The following SUPT3H variants were observed in gnomAD, a reference collection of about 807,000 sequenced individuals.
SUPT3H encodes SPT3 homolog, SAGA and STAGA complex component.
A neutral mutation model predicts 44.3 loss-of-function variants in SUPT3H; 44 were observed. The observed-to-expected ratio is 0.99, with a 90% CI of 0.78 to 1.28. The LOEUF (loss-of-function observed/expected upper bound fraction) is 1.28, where lower values mean the gene tolerates loss of function less well. SUPT3H is among the 50% of genes most tolerant of loss of function. The probability of loss-of-function intolerance (pLI) is 0.00; values close to 1 mark genes in which losing one functional copy is unlikely to be tolerated. For synonymous variants in SUPT3H, 124 were observed against 125.6 expected, an observed-to-expected ratio of 0.99 and a Z score of 0.09; for missense variants, 380 against 387.1, an observed-to-expected ratio of 0.98 and a Z score of 0.15.
chr6:44,896,330 G>T (rs1009402097), intron 10 of SUPT3H, among the ~76,000 whole-genome samples: 1 of 151,816 alleles, frequency 6.6e-6, no homozygotes, highest in Non-Finnish European at 1.5e-5. Flanking sequence ...TAACACTTAG[G>T]GTCCTAAATA....
chr6:45,205,102 T>A (rs1374922935), intron 2 of SUPT3H, among the ~76,000 whole-genome samples: 1 of 152,174 alleles, frequency 6.6e-6, no homozygotes, highest in Non-Finnish European at 1.5e-5. Flanking sequence ...CAAATTCCCA[T>A]CTCTGACTTT....
intron 2 of SUPT3H, among the ~76,000 whole-genome samples, chr6:45,275,052 A>G (rs1378241138): frequency 6.6e-6 from 1 of 152,128 alleles, no homozygotes; most frequent in South Asian, 2.1e-4. Flanking sequence ...AACTTGGTAT[A>G]TATGTTTTAT....
At chr6:45,342,095 G>A (rs867644200) in intron 2 of SUPT3H, among the ~76,000 whole-genome samples, 13 of 152,192 alleles carry the variant, frequency 8.5e-5, no homozygotes, top group Middle Eastern at 3.4e-3. Context: ...TTATGGAAGA[G>A]GCAAAGAATA....
chr6:45,043,963 G>T (rs1244144769), intron 3 of SUPT3H, among the ~76,000 whole-genome samples: 1 of 152,064 alleles, frequency 6.6e-6, no homozygotes, highest in Non-Finnish European at 1.5e-5. Flanking sequence ...CATATTAACA[G>T]AATTTATTAA....
intron 3 of SUPT3H, among the ~76,000 whole-genome samples, chr6:45,067,538 G>T (rs1234717529): frequency 6.6e-6 from 1 of 151,244 alleles, no homozygotes; most frequent in East Asian, 1.9e-4. Flanking sequence ...CCAACAAAAT[G>T]GGAGAAAATT....
At chr6:45,003,874 A>G (rs1474986182) in intron 5 of SUPT3H, 82 bp from the exon 6 acceptor site, 2 of 1,421,580 alleles carry the variant, frequency 1.4e-6, no homozygotes, top group African/African-American at 2.9e-5. Flanking sequence ...TATTAAATAT[A>G]GTATACCAAA....
chr6:45,160,279 G>A (rs1019767738), intron 2 of SUPT3H, among the ~76,000 whole-genome samples: 1 of 152,092 alleles, frequency 6.6e-6, no homozygotes, highest in Non-Finnish European at 1.5e-5. Context: ...TAAAGTTTCT[G>A]GAATATTAAA....
chr6:45,132,176 T>C (rs1048015336), intron 2 of SUPT3H, among the ~76,000 whole-genome samples: 1 of 152,216 alleles, frequency 6.6e-6, no homozygotes, highest in Non-Finnish European at 1.5e-5. Context: ...AGGACTACTA[T>C]ATTTTCCTGC....
intron 1 of SUPT3H, among the ~76,000 whole-genome samples, chr6:45,365,585 A>G (rs995358717): frequency 6.0e-5 from 9 of 150,684 alleles, no homozygotes; most frequent in Non-Finnish European, 1.0e-4. Context: ...ATTTATTAAC[A>G]TATTTTACTA....
At position 44,959,039 on chromosome 6, in the gene SUPT3H, CTTGTTTGT is replaced by C. The variant is rs535045498; in HGVS notation, c.580+2706_580+2713del. On this transcript the variant is annotated intron_variant, in intron 7 of 10. Transcript: ENST00000371459. ...TACAGGCATGCACCACCACGCCTGG[CTTGTTTGT>C]TTGTTTGTTTGTTTGTATTTTTAGT... 9.2e-5 allele frequency among the ~76,000 whole-genome samples: 14 copies of C among 151,956 alleles called. No individual in the cohort carries two copies. In the South Asian group the frequency reaches 2.1e-3, roughly 23 times the overall value.
intron 6 of SUPT3H, among the ~76,000 whole-genome samples, chr6:44,979,572 A>C (rs1778814778): frequency 6.6e-6 from 1 of 152,134 alleles, no homozygotes; most frequent in South Asian, 2.1e-4. Flanking sequence ...TCTATGTAAA[A>C]GGTTAAGTGG....
chr6:45,069,334 T>G (rs1309192188), intron 3 of SUPT3H, among the ~76,000 whole-genome samples: 1 of 152,122 alleles, frequency 6.6e-6, no homozygotes, highest in African/African-American at 2.4e-5. Flanking sequence ...GTGTTTAGGT[T>G]GAACAGTATG....
At chr6:45,111,351 A>G (rs1212464977) in intron 2 of SUPT3H, among the ~76,000 whole-genome samples, 3 of 152,130 alleles carry the variant, frequency 2.0e-5, no homozygotes, top group Admixed American at 6.5e-5. Context: ...TTTTAAAAAT[A>G]TATTTTATTT....
At chr6:45,311,895 A>C (rs1167849295) in intron 2 of SUPT3H, among the ~76,000 whole-genome samples, 2 of 152,194 alleles carry the variant, frequency 1.3e-5, no homozygotes, top group African/African-American at 4.8e-5. Context: ...TAAAACAAAA[A>C]TACAAGTTAA....
At chr6:45,159,990 C>A (rs1174475823) in intron 2 of SUPT3H, among the ~76,000 whole-genome samples, 1 of 152,014 alleles carries the variant, frequency 6.6e-6, no homozygotes, top group African/African-American at 2.4e-5. Flanking sequence ...AATCTGGGTT[C>A]AAATAATTAA....
At chr6:44,960,266 G>A (rs1205143844) in intron 7 of SUPT3H, among the ~76,000 whole-genome samples, 1 of 151,578 alleles carries the variant, frequency 6.6e-6, no homozygotes, top group African/African-American at 2.4e-5. Context: ...AATTAGCTGG[G>A]TGTGGTGGTG....
At chr6:45,128,345 A>T (rs1027226169) in intron 2 of SUPT3H, among the ~76,000 whole-genome samples, 3 of 150,766 alleles carry the variant, frequency 2.0e-5, no homozygotes, top group South Asian at 2.1e-4. Context: ...TCTCTACTAA[A>T]ATACAAAAAA....
chr6:45,291,021 G>T (rs1276445822), intron 2 of SUPT3H, among the ~76,000 whole-genome samples: 1 of 152,122 alleles, frequency 6.6e-6, no homozygotes, highest in African/African-American at 2.4e-5. Flanking sequence ...AGGACCCACA[G>T]ACCCCCTGAA....
intron 9 of SUPT3H, among the ~76,000 whole-genome samples, chr6:44,941,600 C>G (rs1772446704): frequency 6.6e-6 from 1 of 152,060 alleles, no homozygotes; most frequent in South Asian, 2.1e-4. Flanking sequence ...TAGAGGTTCA[C>G]TAAATTCAAG....
Sources: allele counts gnomAD v4.1 joint callset (sites outside exome capture counted in the v4.1 genomes callset), GRCh38; gene constraint gnomAD v4.1.1; transcripts MANE v1.5; gene names NCBI Gene and HGNC (gene_info 2026-07-23, HGNC 2026-07-21).